SMOC2: variants seen among roughly 807,000 people sequenced by gnomAD.
The protein encoded by SMOC2 is SPARC-related modular calcium-binding protein 2.
SMOC2 carries 39 observed loss-of-function variants against 61.4 expected under a neutral mutation model. That is an observed-to-expected ratio of 0.64 (90% CI 0.49 to 0.83). The LOEUF is 0.83. Among genes scored for constraint, SMOC2 ranks in the 40% least tolerant of loss-of-function variants. The probability of loss-of-function intolerance (pLI) is 0.00; values close to 1 mark genes in which losing one functional copy is unlikely to be tolerated. For missense variants in SMOC2, 556 were observed against 592.9 expected (o/e 0.94, Z 0.65); for synonymous variants, 247 against 239.9 (o/e 1.03, Z -0.27).
intron 7 of SMOC2, among the ~76,000 whole-genome samples, chr6:168,560,099 A>T (rs530858555): frequency 6.6e-6 from 1 of 152,328 alleles, no homozygotes; most frequent in African/African-American, 2.4e-5. Flanking sequence ...AGACAGCTTT[A>T]TGTTTTTAAT....
chr6:168,630,754 G>A (rs373753664), intron 9 of SMOC2, among the ~76,000 whole-genome samples: 31 of 152,264 alleles, frequency 2.0e-4, no homozygotes, highest in African/African-American at 6.7e-4. Flanking sequence ...GAGAATGTGC[G>A]CTTGCGGGTA....
At chr6:168,595,501 G>A (rs1180591058) in intron 7 of SMOC2, among the ~76,000 whole-genome samples, 9 of 152,234 alleles carry the variant, frequency 5.9e-5, no homozygotes, top group Non-Finnish European at 1.2e-4. Flanking sequence ...GGTGCCCCAG[G>A]AGGGAGTGAC....
At chr6:168,525,746 G>A (rs10945510) in intron 2 of SMOC2, among the ~76,000 whole-genome samples, 7,310 of 152,158 alleles carry the variant, frequency 0.048, 249 homozygotes, top group Middle Eastern at 0.085. Flanking sequence ...GAGGCAGGAC[G>A]GGAAACAGAG....
chr6:168,585,571 AT>A (rs756366436), intron 7 of SMOC2, among the ~76,000 whole-genome samples: 7 of 152,226 alleles, frequency 4.6e-5, no homozygotes, highest in Non-Finnish European at 1.0e-4. Flanking sequence ...CTGGGGATAA[AT>A]ACCTGAGAGT....
chr6:168,639,009 T>G (rs893370211), intron 9 of SMOC2, among the ~76,000 whole-genome samples: 1 of 152,182 alleles, frequency 6.6e-6, no homozygotes, highest in East Asian at 1.9e-4. Context: ...TAGACCTGGC[T>G]TCGTTACAAA....
chr6:168,597,040 C>T (rs1423928247), intron 7 of SMOC2, among the ~76,000 whole-genome samples: 1 of 152,326 alleles, frequency 6.6e-6, no homozygotes, highest in African/African-American at 2.4e-5. Flanking sequence ...CGTGAAGACA[C>T]GATGACTTCA....
At chr6:168,660,508 A>G (rs1368960649) in intron 11 of SMOC2, among the ~76,000 whole-genome samples, 1 of 152,218 alleles carries the variant, frequency 6.6e-6, no homozygotes, top group Non-Finnish European at 1.5e-5. Flanking sequence ...ATGACCTTCC[A>G]TGGGTCACGC....
At position 168,498,378 on chromosome 6, in the gene SMOC2, C is replaced by T. The variant is rs143522776; in HGVS notation, c.85-11537C>T. ...TTGAAAATGTCACTTCATCAGCAAACGCATTCGCTATTCCAGGGAACCCTA... is the reference window on the plus strand; with the variant it reads ...TTGAAAATGTCACTTCATCAGCAAATGCATTCGCTATTCCAGGGAACCCTA... On this transcript the variant is annotated intron_variant, in intron 1 of 12. Transcript: ENST00000356284. Among the ~76,000 whole-genome samples, 1,137 of 152,352 alleles carry T rather than the reference C, an allele frequency of 7.5e-3. 14 individuals carry two copies. The highest frequency in any genetic ancestry group is 0.025 in the African/African-American group (1,022 of 41,578).
chr6:168,622,303 A>G (rs1786268266), intron 9 of SMOC2, among the ~76,000 whole-genome samples: 1 of 152,130 alleles, frequency 6.6e-6, no homozygotes, highest in Non-Finnish European at 1.5e-5. Flanking sequence ...AGAATGGAAC[A>G]AAATGAATCT....
intron 12 of SMOC2, chr6:168,664,337 A>G (rs1787598242): frequency 3.6e-6 from 2 of 551,732 alleles, no homozygotes; most frequent in Non-Finnish European, 6.4e-6. Flanking sequence ...TATTATTTGA[A>G]CTTTCATTTA....
At chr6:168,614,090 T>C (rs1785976086) in intron 9 of SMOC2, among the ~76,000 whole-genome samples, 1 of 90,864 alleles carries the variant, frequency 1.1e-5, no homozygotes, top group African/African-American at 4.7e-5. Flanking sequence ...GCACAGGGCC[T>C]CTTCATACCT....
At position 168,497,636 on chromosome 6, in the gene SMOC2, A is replaced by G. The variant is rs139140145; in HGVS notation, c.85-12279A>G. 2.1e-3 allele frequency among the ~76,000 whole-genome samples: 317 copies of G among 152,242 alleles called. 1 individual carries two copies. The highest frequency in any genetic ancestry group is 7.2e-3 in the African/African-American group (300 of 41,556). On this transcript the variant is annotated intron_variant, in intron 1 of 12. Coordinates refer to ENST00000356284, the MANE Select transcript of SMOC2 (RefSeq NM_001166412.2). ...CCCCGGAACGTACCGTTCTCTGGAC[A>G]TTCATGGGACCAATCCCCGTTAGGA...
intron 7 of SMOC2, among the ~76,000 whole-genome samples, chr6:168,568,248 G>A (rs370390857): frequency 9.3e-4 from 141 of 152,286 alleles, no homozygotes; most frequent in Non-Finnish European, 8.7e-4. Context: ...AGCATTTAGC[G>A]CGTCTTCTCA....
At chr6:168,626,429 G>A (rs1272854782) in intron 9 of SMOC2, among the ~76,000 whole-genome samples, 1 of 152,206 alleles carries the variant, frequency 6.6e-6, no homozygotes, top group African/African-American at 2.4e-5. Flanking sequence ...CAGAGAAGGG[G>A]AGACAGCTGC....
At chr6:168,575,552 G>A (rs149757382) in intron 7 of SMOC2, among the ~76,000 whole-genome samples, 1,872 of 152,232 alleles carry the variant, frequency 0.012, 20 homozygotes, top group Non-Finnish European at 0.013. Flanking sequence ...GGAGCTCCTC[G>A]CAGGGGGTGG....
intron 1 of SMOC2, among the ~76,000 whole-genome samples, chr6:168,457,046 CCTT>C (rs1781602383): frequency 3.3e-5 from 5 of 152,180 alleles, no homozygotes; most frequent in Admixed American, 2.6e-4. Flanking sequence ...TCCATTTTCT[CCTT>C]CTGGCAAACT....
chr6:168,533,096 C>T (rs992202393), intron 4 of SMOC2, among the ~76,000 whole-genome samples: 24 of 152,060 alleles, frequency 1.6e-4, no homozygotes, highest in Middle Eastern at 3.2e-3. Flanking sequence ...TGCCTCTCTG[C>T]GGTCTGAATT....
intron 8 of SMOC2, among the ~76,000 whole-genome samples, chr6:168,600,160 C>G (rs1785503098): frequency 6.6e-6 from 1 of 152,026 alleles, no homozygotes; most frequent in Non-Finnish European, 1.5e-5. Context: ...AATCCCAGAA[C>G]CGTGGGAGGC....
At chr6:168,579,928 T>C (rs935163300) in intron 7 of SMOC2, among the ~76,000 whole-genome samples, 1 of 152,170 alleles carries the variant, frequency 6.6e-6, no homozygotes, top group Non-Finnish European at 1.5e-5. Context: ...ATGTGGAAAG[T>C]TGGCCTTTCA....
Sources: allele counts gnomAD v4.1 joint callset (sites outside exome capture counted in the v4.1 genomes callset), GRCh38; gene constraint gnomAD v4.1.1; transcripts MANE v1.5; gene names NCBI Gene and HGNC (gene_info 2026-07-23, HGNC 2026-07-21).